The following GRID2 variants were observed in gnomAD, a reference collection of about 807,000 sequenced individuals.
The protein encoded by GRID2 is glutamate ionotropic receptor delta type subunit 2, also known as glutamate receptor ionotropic, delta-2.
Under a neutral mutation model 114.8 loss-of-function variants are expected in GRID2, and 33 were observed. The observed-to-expected ratio is 0.29, with a 90% confidence interval of 0.22 to 0.38. GRID2 has a LOEUF of 0.38. Among genes scored for constraint, GRID2 ranks in the 10% least tolerant of loss-of-function variants. The pLI is 1.00. For synonymous variants in GRID2, 505 were observed against 449.9 expected, an observed-to-expected ratio of 1.12 and a Z score of -1.55; for missense variants, 1,184 against 1,257.7, an observed-to-expected ratio of 0.94 and a Z score of 0.89.
chr4:92,633,950 G>A (rs1454028002), intron 2 of GRID2, among the ~76,000 whole-genome samples: 1 of 151,090 alleles, frequency 6.6e-6, no homozygotes, highest in Admixed American at 6.6e-5. Context: ...AGAGGAAATC[G>A]GCAGAACTGA....
At chr4:93,671,173 T>C (rs1724377319) in intron 14 of GRID2, among the ~76,000 whole-genome samples, 2 of 152,166 alleles carry the variant, frequency 1.3e-5, no homozygotes, top group South Asian at 4.1e-4. Context: ...TGCCTCGTCA[T>C]GTTTCGCTGT....
intron 2 of GRID2, among the ~76,000 whole-genome samples, chr4:92,792,494 C>T (rs917296537): frequency 4.6e-5 from 7 of 151,482 alleles, no homozygotes; most frequent in Admixed American, 2.0e-4. Flanking sequence ...CACACACACA[C>T]ACACACACAC....
At chr4:93,000,520 G>A (rs1755476325) in intron 2 of GRID2, among the ~76,000 whole-genome samples, 2 of 151,370 alleles carry the variant, frequency 1.3e-5, no homozygotes, top group African/African-American at 2.4e-5. Flanking sequence ...TCAAATAAAG[G>A]TATCATCCTT....
chr4:92,406,823 G>T (rs1458328318), intron 1 of GRID2, among the ~76,000 whole-genome samples: 2 of 151,856 alleles, frequency 1.3e-5, no homozygotes, highest in African/African-American at 4.8e-5. Flanking sequence ...CTGTTCTTAA[G>T]TTAGTTTGCT....
At chr4:92,657,522 G>C (rs62309211) in intron 2 of GRID2, among the ~76,000 whole-genome samples, 7,824 of 151,276 alleles carry the variant, frequency 0.052, 225 homozygotes, top group East Asian at 0.1. Context: ...CATGGAACCA[G>C]CTTAAATTAT....
chr4:92,579,611 T>C (rs1728075909), intron 1 of GRID2, among the ~76,000 whole-genome samples: 1 of 152,004 alleles, frequency 6.6e-6, no homozygotes, highest in Non-Finnish European at 1.5e-5. Context: ...ATGTATGTTT[T>C]AGCATGTGAT....
At chr4:93,558,241 G>A (rs1734516039) in intron 13 of GRID2, among the ~76,000 whole-genome samples, 1 of 152,162 alleles carries the variant, frequency 6.6e-6, no homozygotes, top group African/African-American at 2.4e-5. Flanking sequence ...TAAGATCAGA[G>A]CACAACTGAA....
intron 2 of GRID2, among the ~76,000 whole-genome samples, chr4:93,076,209 G>C (rs1013038235): frequency 2.6e-5 from 4 of 151,968 alleles, no homozygotes; most frequent in Admixed American, 2.0e-4. Context: ...TAAGCACATA[G>C]ACTGCTGAAG....
chr4:92,396,715 T>C (rs1163672617), intron 1 of GRID2, among the ~76,000 whole-genome samples: 2 of 152,070 alleles, frequency 1.3e-5, no homozygotes, highest in Non-Finnish European at 2.9e-5. Flanking sequence ...ATGAAATTAT[T>C]TTAATCCCTT....
intron 4 of GRID2, chr4:93,164,848 G>A (rs1199631620): frequency 3.1e-6 from 1 of 325,136 alleles, no homozygotes; most frequent in Admixed American, 3.3e-5. Context: ...TTTGACTACT[G>A]TTCTCTAATT....
chr4:93,238,143 C>A (rs1747022303), intron 7 of GRID2, among the ~76,000 whole-genome samples: 2 of 151,726 alleles, frequency 1.3e-5, no homozygotes. Context: ...GTCTAAATTT[C>A]TGTTTTTATG....
chr4:92,399,344 G>T (rs532756488), intron 1 of GRID2, among the ~76,000 whole-genome samples: 1 of 152,076 alleles, frequency 6.6e-6, no homozygotes, highest in South Asian at 2.1e-4. Flanking sequence ...AGCAGTTCCC[G>T]TCTTCCTTCA....
intron 1 of GRID2, among the ~76,000 whole-genome samples, chr4:92,390,676 C>A (rs1730198164): frequency 6.6e-6 from 1 of 152,272 alleles, no homozygotes; most frequent in South Asian, 2.1e-4. Flanking sequence ...ACTTTCCCCT[C>A]CACTTTGCTC....
intron 2 of GRID2, among the ~76,000 whole-genome samples, chr4:93,049,412 T>C (rs115747266): frequency 2.1e-3 from 314 of 152,092 alleles, no homozygotes; most frequent in African/African-American, 7.2e-3. Flanking sequence ...CTTTTGACTC[T>C]CTGTTTTCTT....
At chr4:92,830,099 GAA>G (rs879405717) in intron 2 of GRID2, among the ~76,000 whole-genome samples, 2 of 126,644 alleles carry the variant, frequency 1.6e-5, no homozygotes. Flanking sequence ...AAATAAAATT[GAA>G]AAAAAAAAAA....
chr4:93,078,408 C>T (rs914018787), intron 2 of GRID2, among the ~76,000 whole-genome samples: 2 of 151,802 alleles, frequency 1.3e-5, no homozygotes, highest in African/African-American at 4.8e-5. Flanking sequence ...TCTGTCTCAC[C>T]CATTATACTC....
intron 11 of GRID2, among the ~76,000 whole-genome samples, chr4:93,462,306 T>C (rs1253496150): frequency 6.6e-6 from 1 of 152,012 alleles, no homozygotes; most frequent in Non-Finnish European, 1.5e-5. Context: ...CAAATTGAGA[T>C]CAAAATAAAC....
intron 1 of GRID2, among the ~76,000 whole-genome samples, chr4:92,523,904 A>T (rs1190829413): frequency 1.3e-5 from 2 of 152,042 alleles, no homozygotes; most frequent in Non-Finnish European, 2.9e-5. Context: ...TTATCCTCTA[A>T]GAGTATCATG....
At chr4:93,106,498 C>T (rs552536195) in intron 3 of GRID2, among the ~76,000 whole-genome samples, 46 of 152,254 alleles carry the variant, frequency 3.0e-4, no homozygotes, top group Non-Finnish European at 4.9e-4. Flanking sequence ...GAGCATGCAC[C>T]ACCACACCCA....
Sources: gnomAD v4.1 joint callset for allele counts (sites outside exome capture counted in the v4.1 genomes callset) on GRCh38, gnomAD v4.1.1 for gene constraint, MANE v1.5 for transcripts, NCBI Gene and HGNC (gene_info 2026-07-23, HGNC 2026-07-21) for gene names.